ROBO1: variants seen among roughly 807,000 people sequenced by gnomAD.
ROBO1 encodes the protein roundabout guidance receptor 1.
Under a neutral mutation model 195.9 loss-of-function variants are expected in ROBO1, and 149 were observed. The ratio of observed to expected loss-of-function variants is 0.76; its 90% CI spans 0.67 to 0.87. The LOEUF is 0.87. Ranked by LOEUF, ROBO1 falls within the 40% of genes least tolerant of loss-of-function variation. The pLI is 0.00. For synonymous variants in ROBO1, 816 were observed against 733.2 expected, an observed-to-expected ratio of 1.11 and a Z score of -1.82; for missense variants, 1,933 against 2,068.3, an observed-to-expected ratio of 0.93 and a Z score of 1.27.
chr3:79,505,351 C>T (rs1481095130), intron 2 of ROBO1, among the ~76,000 whole-genome samples: 2 of 152,066 alleles, frequency 1.3e-5, no homozygotes, highest in South Asian at 2.1e-4. Context: ...AAAGAGATTT[C>T]ATCTCTTGTA....
chr3:79,207,121 G>GA (rs959081446), intron 2 of ROBO1, among the ~76,000 whole-genome samples: 6 of 151,812 alleles, frequency 4.0e-5, no homozygotes, highest in East Asian at 1.9e-4. Flanking sequence ...TGAACAATGA[G>GA]AAAAAAAAGT....
intron 3 of ROBO1, among the ~76,000 whole-genome samples, chr3:79,004,416 GC>G (rs2077574443): frequency 6.6e-6 from 1 of 152,094 alleles, no homozygotes. Context: ...TGACATATGT[GC>G]AGGTTGTAAG....
intron 3 of ROBO1, among the ~76,000 whole-genome samples, chr3:79,081,533 C>T (rs1211303562): frequency 6.6e-6 from 1 of 152,142 alleles, no homozygotes; most frequent in Non-Finnish European, 1.5e-5. Context: ...CACATTTGCC[C>T]TGGGGATTCT....
At chr3:79,535,785 AG>A (rs34266146) in intron 2 of ROBO1, among the ~76,000 whole-genome samples, 86,292 of 151,334 alleles carry the variant, frequency 0.57, 24,679 homozygotes, top group Non-Finnish European at 0.59. Context: ...TGACCATCAA[AG>A]AAAGTTACGA....
chr3:79,445,053 T>C (rs2039192782), intron 2 of ROBO1, among the ~76,000 whole-genome samples: 1 of 151,986 alleles, frequency 6.6e-6, no homozygotes, highest in Non-Finnish European at 1.5e-5. Context: ...CATTGTTTTT[T>C]TAAACATTAG....
intron 2 of ROBO1, among the ~76,000 whole-genome samples, chr3:79,462,273 G>C (rs565803804): frequency 6.6e-6 from 1 of 152,076 alleles, no homozygotes; most frequent in Non-Finnish European, 1.5e-5. Context: ...CAACGGGGCA[G>C]AAAGTTTCTA....
At chr3:79,572,715 G>A (rs1246089183) in intron 2 of ROBO1, among the ~76,000 whole-genome samples, 2 of 152,096 alleles carry the variant, frequency 1.3e-5, no homozygotes, top group Non-Finnish European at 2.9e-5. Flanking sequence ...GTAAAAGTTA[G>A]AAACATAGAA....
At chr3:79,059,421 T>C (rs2078872684) in intron 3 of ROBO1, among the ~76,000 whole-genome samples, 2 of 152,038 alleles carry the variant, frequency 1.3e-5, no homozygotes, top group Admixed American at 1.3e-4. Context: ...TTATCTTTAC[T>C]GTGTGGGACC....
chr3:78,826,059 C>A (rs1393364315), intron 4 of ROBO1, among the ~76,000 whole-genome samples: 1 of 152,102 alleles, frequency 6.6e-6, no homozygotes, highest in Non-Finnish European at 1.5e-5. Context: ...AGAGCTATAG[C>A]ATATTTTACT....
At chr3:79,224,057 A>G (rs1476451491) in intron 2 of ROBO1, among the ~76,000 whole-genome samples, 1 of 152,232 alleles carries the variant, frequency 6.6e-6, no homozygotes, top group Non-Finnish European at 1.5e-5. Flanking sequence ...GAAAATAAGC[A>G]AAACAAAAGA....
At chr3:79,535,203 A>C (rs923958667) in intron 2 of ROBO1, among the ~76,000 whole-genome samples, 3 of 152,176 alleles carry the variant, frequency 2.0e-5, no homozygotes, top group Non-Finnish European at 2.9e-5. Flanking sequence ...TACAGCGGGA[A>C]TCTAATTCGT....
chr3:79,264,895 TTC>T (rs1429005243), intron 2 of ROBO1, among the ~76,000 whole-genome samples: 1 of 151,912 alleles, frequency 6.6e-6, no homozygotes, highest in Non-Finnish European at 1.5e-5. Flanking sequence ...TGATCATAAT[TTC>T]TGTTTGTCTC....
At chr3:78,784,280 T>G (rs2083765584) in intron 4 of ROBO1, among the ~76,000 whole-genome samples, 1 of 152,154 alleles carries the variant, frequency 6.6e-6, no homozygotes, top group Non-Finnish European at 1.5e-5. Flanking sequence ...CTGTTATAAT[T>G]AAATGATATT....
intron 3 of ROBO1, among the ~76,000 whole-genome samples, chr3:79,096,337 G>A (rs963579600): frequency 1.3e-5 from 2 of 151,896 alleles, no homozygotes; most frequent in Non-Finnish European, 2.9e-5. Flanking sequence ...TCTTTAGAAT[G>A]TAGAAAATAC....
chr3:78,988,636 G>A (rs2077167259), intron 3 of ROBO1, among the ~76,000 whole-genome samples: 1 of 152,018 alleles, frequency 6.6e-6, no homozygotes, highest in African/African-American at 2.4e-5. Flanking sequence ...ATATCCTTTG[G>A]TGCATTATTT....
intron 26 of ROBO1, among the ~76,000 whole-genome samples, chr3:78,623,454 G>C (rs1415957838): frequency 6.6e-6 from 1 of 152,156 alleles, no homozygotes; most frequent in African/African-American, 2.4e-5. Context: ...ATTGTTCGGG[G>C]AGTAGCAATG....
intron 2 of ROBO1, among the ~76,000 whole-genome samples, chr3:79,588,502 T>G (rs1200796160): frequency 6.6e-6 from 1 of 151,750 alleles, no homozygotes; most frequent in African/African-American, 2.4e-5. Flanking sequence ...CTAGGCTGTA[T>G]CTGTATCTGT....
intron 2 of ROBO1, among the ~76,000 whole-genome samples, chr3:79,531,452 T>G (rs1941658445): frequency 6.6e-6 from 1 of 151,974 alleles, no homozygotes. Context: ...CAAAACCCCA[T>G]CTCTACTAAA....
chr3:79,437,530 CT>C (rs5850429), intron 2 of ROBO1, among the ~76,000 whole-genome samples: 79,714 of 151,696 alleles, frequency 0.53, 20,998 homozygotes, highest in East Asian at 0.62. Flanking sequence ...AAGCTGAAAA[CT>C]TACACAAATG....
Sources: allele counts gnomAD v4.1 joint callset (sites outside exome capture counted in the v4.1 genomes callset), GRCh38; gene constraint gnomAD v4.1.1; transcripts MANE v1.5; gene names NCBI Gene and HGNC (gene_info 2026-07-23, HGNC 2026-07-21).